The following MYO10 variants were observed in gnomAD, a reference collection of about 807,000 sequenced individuals.
MYO10 encodes unconventional myosin-X.
A neutral mutation model predicts 257.3 loss-of-function variants in MYO10; 133 were observed. The ratio of observed to expected loss-of-function variants is 0.52; its 90% CI spans 0.45 to 0.60. The LOEUF (loss-of-function observed/expected upper bound fraction) is 0.60. Ranked by LOEUF, MYO10 falls within the 20% of genes least tolerant of loss-of-function variation. MYO10 has a pLI of 0.00. For synonymous variants in MYO10, 1,104 were observed against 1,028.6 expected (o/e 1.07, Z -1.40); for missense variants, 2,399 against 2,635.7 (o/e 0.91, Z 1.97).
chr5:16,764,226 G>C (rs752906637), intron 12 of MYO10, 24 bp downstream of exon 12: 2 of 1,612,524 alleles, frequency 1.2e-6, no homozygotes. Flanking sequence ...GAGAATTCAC[G>C]TGCTGCACTG....
intron 21 of MYO10, among the ~76,000 whole-genome samples, chr5:16,708,541 G>T (rs759165140): frequency 2.6e-5 from 4 of 152,132 alleles, no homozygotes; most frequent in Non-Finnish European, 4.4e-5. Flanking sequence ...AGGCAGTGAG[G>T]TGACTCGTTT....
At chr5:16,722,978 T>C (rs914552343) in intron 19 of MYO10, among the ~76,000 whole-genome samples, 2 of 152,120 alleles carry the variant, frequency 1.3e-5, no homozygotes, top group African/African-American at 4.8e-5. Context: ...CTAAACAATA[T>C]GAAAATCCAA....
rs980197136 is a variant in MYO10, at chr5:16,685,952, T to C, written c.3897-121A>G. The C allele has an allele frequency of 1.7e-5, 12 of 717,970 alleles. No individual in the cohort carries two copies. The African/African-American group carries it at 2.1e-4, about 13-fold the overall frequency. 44.5% of individuals were successfully genotyped at this position (717,970 alleles called of 1,614,324 possible). On this transcript the variant is annotated intron_variant, in intron 28 of 40. Transcript: ENST00000513610. ...CTAAGCACCTTTGCTTTTAATTTGA[T>C]TACTTCTTAGGGGTAAATGTCAGTT...
At chr5:16,799,027 A>G (rs1281568760) in intron 3 of MYO10, among the ~76,000 whole-genome samples, 1 of 152,166 alleles carries the variant, frequency 6.6e-6, no homozygotes, top group Non-Finnish European at 1.5e-5. Context: ...TGCCCCATTC[A>G]TGACACGTTT....
chr5:16,695,910 G>A (rs188861658), intron 26 of MYO10, among the ~76,000 whole-genome samples: 1 of 152,160 alleles, frequency 6.6e-6, no homozygotes, highest in African/African-American at 2.4e-5. Flanking sequence ...GACATCTTTG[G>A]TAATTGTGCC....
chr5:16,672,592 C>T lies in MYO10; in HGVS notation c.5309+97G>A, dbSNP rs140415967. 38 of 1,432,122 alleles carry T rather than the reference C, an allele frequency of 2.7e-5. No homozygotes were observed. The African/African-American group carries it at 3.5e-4, about 13-fold the overall frequency. 88.7% of individuals were successfully genotyped at this position (1,432,122 alleles called of 1,614,324 possible). A position where few individuals can be genotyped will look rare whatever the true frequency, so the allele number is the denominator to read the frequency against. On this transcript the variant is annotated intron_variant, in intron 37 of 40. Coordinates refer to ENST00000513610, the MANE Select transcript of MYO10 (RefSeq NM_012334.3). ...TAAAATAAAACTAACTCCAATACAG[C>T]GTGAAGCCACAAATGGAATGGGAAG...
In MYO10 at chr5:16,747,918, C is replaced by CAAAAAAAAAAAAAA. The variant is rs777257950; in HGVS notation, c.1929+6896_1929+6909dup. 5.6e-4 allele frequency among the ~76,000 whole-genome samples: 17 copies of CAAAAAAAAAAAAAA among 30,520 alleles called. 1 individual carries two copies. Among genetic ancestry groups the CAAAAAAAAAAAAAA allele is most frequent in the Non-Finnish European group, 2.7e-3 (11 of 4,138 alleles). 20.0% of individuals were successfully genotyped at this position (30,520 alleles called of 152,430 possible). ...TGGGCGACAGAGCGAAACTCCGTCT[C>CAAAAAAAAAAAAAA]AAAAAAAAAAAAAAAAAAAAAAAAA... On this transcript the variant is annotated intron_variant, in intron 19 of 40. Coordinates refer to ENST00000513610, the MANE Select transcript of MYO10 (RefSeq NM_012334.3).
intron 1 of MYO10, among the ~76,000 whole-genome samples, chr5:16,883,619 C>T (rs1458032880): frequency 6.6e-6 from 1 of 152,174 alleles, no homozygotes. Flanking sequence ...TCTATGACTC[C>T]TTCCCACTCC....
At chr5:16,805,777 G>C (rs1200126265) in intron 3 of MYO10, among the ~76,000 whole-genome samples, 4 of 152,142 alleles carry the variant, frequency 2.6e-5, no homozygotes, top group Admixed American at 1.3e-4. Flanking sequence ...TGTCAGAAAA[G>C]TTCCACATAA....
Position 16,877,716 on chromosome 5 carries a change from A to C in MYO10, c.22-9T>G, listed in dbSNP as rs1561033618. ...AGCCAGACCCGTGTTCCCTGTAAAC[A>C]AAACAAACAAGACTGAACTGAGTTT... On this transcript the variant is annotated splice_polypyrimidine_tract_variant and intron_variant, in intron 1 of 40. Transcript: ENST00000513610. 4 of 1,606,128 alleles carry C rather than the reference A, an allele frequency of 2.5e-6. No individual in the cohort carries two copies. Among genetic ancestry groups the C allele is most frequent in the East Asian group, 2.2e-5 (1 of 44,834 alleles).
At chr5:16,798,756 T>G (rs1253226944) in intron 3 of MYO10, among the ~76,000 whole-genome samples, 1 of 152,190 alleles carries the variant, frequency 6.6e-6, no homozygotes. Context: ...TCTTATTTTT[T>G]TCCCTACTGT....
At chr5:16,681,664 AAG>A (rs1430146331) in intron 31 of MYO10, among the ~76,000 whole-genome samples, 161 bp from the exon 32 acceptor site, 1 of 152,222 alleles carries the variant, frequency 6.6e-6, no homozygotes, top group Non-Finnish European at 1.5e-5. Flanking sequence ...GACTACATGA[AAG>A]AAAAGCCCAA....
rs5866206 is a variant in MYO10 at position 16,764,157 on chromosome 5, A to G, written c.1326+93T>C. 9.9e-4 allele frequency: 1,331 copies of G among 1,338,246 alleles called. 1 individual carries two copies. Among genetic ancestry groups the G allele is most frequent in the African/African-American group, 3.2e-3 (211 of 65,622 alleles). The allele number at this position is 1,338,246 out of a possible 1,614,324, so 82.9% of individuals were successfully genotyped here. Reference sequence around the variant, plus strand: ...GTGAGACTCCTTCTCAAAAAAAAAAAGAAAAAAAAAGAGTTTGCTCACAGA... The same window carrying G: ...GTGAGACTCCTTCTCAAAAAAAAAAGGAAAAAAAAAGAGTTTGCTCACAGA... On this transcript the variant is annotated intron_variant, in intron 12 of 40. Coordinates refer to ENST00000513610, the MANE Select transcript of MYO10 (RefSeq NM_012334.3).
rs767582443 is a variant in MYO10, at chr5:16,701,500, G to A, written c.2895C>T (p.Ser965=). Residue 965 remains serine (S), a synonymous_variant, in exon 25 of 41, where the codon AGC becomes AGT. Coordinates refer to ENST00000513610, the MANE Select transcript of MYO10 (RefSeq NM_012334.3). This position sits in a 1 kb window ranked among gnomAD's most constrained non-coding sequence, Gnocchi z 8.1. ...RNIERSLSVG[S]EFSSELAESA... is the part of the protein sequence containing the mutation. ...TCTCAGCCAGCTCGCTGGAAAATTC[G>A]CTTCCCACCGACAGGGACCGCTCGA... is the stretch of plus-strand genomic sequence containing the variant. 6.8e-5 allele frequency: 110 copies of A among 1,613,820 alleles called. No homozygotes were observed. In the Admixed American group the frequency reaches 8.3e-4, roughly 12 times the overall value.
At chr5:16,888,628 C>T (rs543536495) in intron 1 of MYO10, among the ~76,000 whole-genome samples, 3 of 151,528 alleles carry the variant, frequency 2.0e-5, no homozygotes, top group Admixed American at 1.3e-4. Context: ...GAGATACTCC[C>T]ATAGTTGGGA....
At chr5:16,904,740 T>C (rs1350284816) in intron 1 of MYO10, among the ~76,000 whole-genome samples, 1 of 152,064 alleles carries the variant, frequency 6.6e-6, no homozygotes, top group African/African-American at 2.4e-5. Flanking sequence ...CCATCCTGGC[T>C]AACACGGTGA....
chr5:16,862,737 A>G (rs1431730469), intron 2 of MYO10, among the ~76,000 whole-genome samples: 1 of 152,224 alleles, frequency 6.6e-6, no homozygotes, highest in Non-Finnish European at 1.5e-5. Context: ...CAGGGACCAA[A>G]AATACAAGAC....
At chr5:16,866,266 T>C (rs1744246997) in intron 2 of MYO10, among the ~76,000 whole-genome samples, 1 of 152,208 alleles carries the variant, frequency 6.6e-6, no homozygotes, top group Non-Finnish European at 1.5e-5. Context: ...GCGTTAAAGC[T>C]GGCAGACTAT....
chr5:16,678,288 G>T (rs754368326), intron 33 of MYO10, among the ~76,000 whole-genome samples: 2 of 152,126 alleles, frequency 1.3e-5, no homozygotes, highest in African/African-American at 2.4e-5. Context: ...GGCTGGGTGT[G>T]GTGGCTCAAG....
Sources: gnomAD v4.1 joint callset for allele counts (sites outside exome capture counted in the v4.1 genomes callset) on GRCh38, gnomAD v4.1.1 for gene constraint, Gnocchi (gnomAD v3.1) non-coding constraint, MANE v1.5 for transcripts, NCBI Gene and HGNC (gene_info 2026-07-23, HGNC 2026-07-21) for gene names.